Variants in NKAIN3 observed in about 807,000 individuals in gnomAD.
NKAIN3 encodes sodium/potassium-transporting ATPase subunit beta-1-interacting protein 3.
NKAIN3 carries 25 observed loss-of-function variants against 30.2 expected under a neutral mutation model. The observed-to-expected ratio is 0.83, with a 90% CI of 0.60 to 1.16. The LOEUF (loss-of-function observed/expected upper bound fraction) is 1.16. Among genes scored for constraint, NKAIN3 ranks in the 50% most tolerant of loss-of-function variants. The pLI, the probability that NKAIN3 is intolerant of heterozygous loss-of-function variation, is 0.00. For missense variants in NKAIN3, 225 were observed against 254.1 expected, an observed-to-expected ratio of 0.89 and a Z score of 0.78; for synonymous variants, 91 against 89.6, an observed-to-expected ratio of 1.02 and a Z score of -0.09.
chr8:62,586,032 T>G (rs1198454383), intron 2 of NKAIN3, among the ~76,000 whole-genome samples: 1 of 152,184 alleles, frequency 6.6e-6, no homozygotes, highest in East Asian at 1.9e-4. Flanking sequence ...TTTTTTGAAA[T>G]AAGATTAACC....
chr8:62,316,526 G>C (rs1392527837), intron 1 of NKAIN3, among the ~76,000 whole-genome samples: 1 of 151,996 alleles, frequency 6.6e-6, no homozygotes, highest in Non-Finnish European at 1.5e-5. Flanking sequence ...AGAACATGTG[G>C]GGTTTGGTTT....
At chr8:62,271,664 ATAGCAC>A (rs755174959) in intron 1 of NKAIN3, among the ~76,000 whole-genome samples, 2 of 152,194 alleles carry the variant, frequency 1.3e-5, no homozygotes, top group Non-Finnish European at 2.9e-5. Context: ...CATTGGTGTG[ATAGCAC>A]TAGAGAGGAT....
In NKAIN3 at chr8:62,610,463, G is replaced by A. The variant is rs146554249; in HGVS notation, c.273+20669G>A. ...AAAGCAGAGTAGATAGTAGATAGTA[G>A]TAGAGGTGGTGCATGAGACAGAGGT... On this transcript the variant is annotated intron_variant, in intron 3 of 6. Coordinates refer to ENST00000623646, the MANE Select transcript of NKAIN3 (RefSeq NM_001304533.3). 2.2e-3 allele frequency among the ~76,000 whole-genome samples: 329 copies of A among 152,178 alleles called. 1 individual carries two copies. The highest frequency in any genetic ancestry group is 4.1e-4 in the Non-Finnish European group (28 of 68,004).
At chr8:62,660,340 G>C (rs1056396928) in intron 3 of NKAIN3, among the ~76,000 whole-genome samples, 1 of 152,164 alleles carries the variant, frequency 6.6e-6, no homozygotes, top group African/African-American at 2.4e-5. Flanking sequence ...GAGCATCAGA[G>C]GGAAATGCCA....
At chr8:62,997,049 C>A (rs912524215) in intron 5 of NKAIN3, among the ~76,000 whole-genome samples, 5 of 152,196 alleles carry the variant, frequency 3.3e-5, no homozygotes, top group African/African-American at 1.2e-4. Flanking sequence ...CCAGTGAGGA[C>A]TCTGTGTGGG....
At position 62,751,032 on chromosome 8, in the gene NKAIN3, C is replaced by T. The variant is rs1019011622; in HGVS notation, c.471+3903C>T. Among the ~76,000 whole-genome samples the T allele has an allele frequency of 4.6e-5, 7 of 152,152 alleles. No individual in the cohort carries two copies. In the East Asian group the frequency reaches 5.8e-4, roughly 13 times the overall value. ...CAAATCTTATCAGTCACGTTCCTTCCGATCACCCTTCAGTGATTCTCATCA... is the reference window on the plus strand; with the variant it reads ...CAAATCTTATCAGTCACGTTCCTTCTGATCACCCTTCAGTGATTCTCATCA... On this transcript the variant is annotated intron_variant, in intron 4 of 6. Coordinates refer to ENST00000623646, the MANE Select transcript of NKAIN3 (RefSeq NM_001304533.3).
intron 3 of NKAIN3, among the ~76,000 whole-genome samples, chr8:62,651,685 G>C (rs2130331914): frequency 6.6e-6 from 1 of 152,270 alleles, no homozygotes; most frequent in East Asian, 1.9e-4. Context: ...ATTGAAATGT[G>C]ATTCCCAATG....
intron 1 of NKAIN3, among the ~76,000 whole-genome samples, chr8:62,577,072 C>A (rs1268531093): frequency 6.6e-6 from 1 of 151,958 alleles, no homozygotes; most frequent in Non-Finnish European, 1.5e-5. Flanking sequence ...TTTTAGTTAC[C>A]TTTTCAAATT....
At chr8:62,945,914 G>A (rs1250934652) in intron 5 of NKAIN3, among the ~76,000 whole-genome samples, 7 of 152,308 alleles carry the variant, frequency 4.6e-5, no homozygotes, top group East Asian at 1.9e-4. Flanking sequence ...AGGGGGACAG[G>A]ACAGAGTGGG....
intron 5 of NKAIN3, among the ~76,000 whole-genome samples, chr8:62,929,484 A>C (rs538333054): frequency 3.5e-4 from 53 of 152,330 alleles, no homozygotes; most frequent in African/African-American, 1.2e-3. Context: ...TAAGGAAAAC[A>C]AACACTTAGT....
intron 1 of NKAIN3, among the ~76,000 whole-genome samples, chr8:62,540,641 G>A (rs1462020451): frequency 1.3e-5 from 2 of 152,000 alleles, no homozygotes; most frequent in Non-Finnish European, 2.9e-5. Flanking sequence ...AGAGAGTTTA[G>A]AGTAGCCTCT....
intron 5 of NKAIN3, among the ~76,000 whole-genome samples, chr8:62,931,994 G>T (rs1363551254): frequency 6.6e-6 from 1 of 151,952 alleles, no homozygotes; most frequent in Non-Finnish European, 1.5e-5. Flanking sequence ...ATCTTTTCTT[G>T]TTCTGAGGTC....
intron 1 of NKAIN3, among the ~76,000 whole-genome samples, chr8:62,320,076 C>T (rs1384157068): frequency 6.6e-6 from 1 of 152,108 alleles, no homozygotes; most frequent in African/African-American, 2.4e-5. Flanking sequence ...GATCCCTTTA[C>T]CATTATGTAA....
At chr8:62,656,502 A>AT (rs1488761723) in intron 3 of NKAIN3, among the ~76,000 whole-genome samples, 4 of 152,092 alleles carry the variant, frequency 2.6e-5, no homozygotes, top group Non-Finnish European at 5.9e-5. Context: ...AAAGAAAAAA[A>AT]GGAAGGTAGG....
intron 3 of NKAIN3, among the ~76,000 whole-genome samples, chr8:62,672,741 A>T (rs530278961): frequency 6.6e-6 from 1 of 152,264 alleles, no homozygotes; most frequent in East Asian, 1.9e-4. Context: ...TTTATTCTCT[A>T]GATAAACTTA....
chr8:62,533,216 G>A (rs1012541431), intron 1 of NKAIN3, among the ~76,000 whole-genome samples: 1 of 152,314 alleles, frequency 6.6e-6, no homozygotes, highest in East Asian at 1.9e-4. Context: ...CATTGAAAAT[G>A]TGCCTTTGAG....
At chr8:62,840,540 G>C (rs1428026879) in intron 4 of NKAIN3, among the ~76,000 whole-genome samples, 1 of 151,926 alleles carries the variant, frequency 6.6e-6, no homozygotes, top group Non-Finnish European at 1.5e-5. Context: ...GAGACTTCCA[G>C]AAGTCCAGAT....
At chr8:62,410,922 A>G (rs1026903099) in intron 1 of NKAIN3, among the ~76,000 whole-genome samples, 4 of 152,316 alleles carry the variant, frequency 2.6e-5, no homozygotes, top group Non-Finnish European at 1.5e-5. Context: ...AAAAAGAGGC[A>G]GTGGACGAGA....
intron 5 of NKAIN3, among the ~76,000 whole-genome samples, chr8:62,925,686 G>A (rs1012684195): frequency 3.3e-5 from 5 of 152,144 alleles, no homozygotes; most frequent in South Asian, 2.1e-4. Context: ...TTGGGGATCC[G>A]CAAGTCACTG....
Sources: allele counts gnomAD v4.1 joint callset (sites outside exome capture counted in the v4.1 genomes callset), GRCh38; gene constraint gnomAD v4.1.1; transcripts MANE v1.5; gene names NCBI Gene and HGNC (gene_info 2026-07-23, HGNC 2026-07-21).